The following ADGRL4 variants were observed in gnomAD, a reference collection of about 807,000 sequenced individuals.
The protein encoded by ADGRL4 is EGF, latrophilin and seven transmembrane domain containing 1.
In ADGRL4, 90 loss-of-function variants were observed where a neutral mutation model predicts 74.8. That is an observed-to-expected ratio of 1.20 (90% confidence interval 1.02 to 1.43). The LOEUF is 1.43. ADGRL4 is among the 40% of genes most tolerant of loss of function. The probability of loss-of-function intolerance (pLI) is 0.00; values close to 1 mark genes in which losing one functional copy is unlikely to be tolerated. For missense variants in ADGRL4, 881 were observed against 814.3 expected (o/e 1.08, Z -1.00); for synonymous variants, 311 against 279.2 (o/e 1.11, Z -1.14).
chr1:78,922,301 G>T (rs1359959423), intron 8 of ADGRL4, among the ~76,000 whole-genome samples: 1 of 151,974 alleles, frequency 6.6e-6, no homozygotes, highest in African/African-American at 2.4e-5. Flanking sequence ...TGACGTGAAG[G>T]GGGGTGTCCA....
At chr1:78,942,173 CAAAAAAAAA>C (rs398049382) in intron 3 of ADGRL4, among the ~76,000 whole-genome samples, 3 of 73,614 alleles carry the variant, frequency 4.1e-5, no homozygotes, top group Admixed American at 3.5e-4. Flanking sequence ...GACTCCGTCT[CAAAAAAAAA>C]AAAAAAAAAA....
intron 7 of ADGRL4, among the ~76,000 whole-genome samples, chr1:78,933,013 G>A (rs568488930): frequency 6.6e-6 from 1 of 151,338 alleles, no homozygotes; most frequent in Non-Finnish European, 1.5e-5. Context: ...AGAAGAGCTG[G>A]TGTTATTCCT....
intron 1 of ADGRL4, among the ~76,000 whole-genome samples, chr1:79,006,134 A>G (rs1165395289): frequency 6.6e-6 from 1 of 152,262 alleles, no homozygotes; most frequent in Non-Finnish European, 1.5e-5. Flanking sequence ...CAGTCATCTA[A>G]CATTAGTTGT....
chr1:79,006,724 G>A lies in ADGRL4; in HGVS notation c.-70C>T, dbSNP rs891867045. 3 of 1,388,150 alleles carry A rather than the reference G, an allele frequency of 2.2e-6. No individual in the cohort carries two copies. Among genetic ancestry groups the A allele is most frequent in the African/African-American group, 1.5e-5 (1 of 65,068 alleles). The allele number at this position is 1,388,150 out of a possible 1,614,324, so 86.0% of individuals were successfully genotyped here. A position where few individuals can be genotyped will look rare whatever the true frequency, so the allele number is the denominator to read the frequency against. ...TGAGTGCGGCTGTGGACCCGGGACC[G>A]GGCGCCGCTGGGCGGGCGCGGCAGG... On this transcript the variant is annotated 5_prime_UTR_variant, in exon 1 of 15. Transcript: ENST00000370742.
rs369575210 is a variant in ADGRL4, at chr1:78,917,867, C to A, written c.1645G>T (p.Ala549Ser). Reference protein sequence around the residue: ...LSPAVVVGFSAALGYRYYGTT... With the variant: ...LSPAVVVGFSSALGYRYYGTT... ...CCATAATATCTGTATCCTAGTGCTG[C>A]CGAAAATCCAACTACCACGGCTGGG... The change falls in exon 11 of 15, where the codon GCA becomes TCA. Residue 549 changes from alanine (A) to serine (S), a missense_variant. By Grantham distance (99) the Ala-to-Ser change is moderately conservative. Transcript: ENST00000370742. The A allele has an allele frequency of 6.8e-6, 11 of 1,612,382 alleles. No homozygotes were observed. Among genetic ancestry groups the A allele is most frequent in the Non-Finnish European group, 9.3e-6 (11 of 1,179,080 alleles).
At chr1:78,892,609 A>C (rs557660866) in intron 13 of ADGRL4, among the ~76,000 whole-genome samples, 16 of 152,224 alleles carry the variant, frequency 1.1e-4, no homozygotes, top group African/African-American at 3.6e-4. Context: ...AAGTATTGAA[A>C]CTACAGGAGT....
rs769592995 is a variant in ADGRL4, at chr1:79,006,623, G to C, written c.22+10C>G. ...GACGACCTCGGCGACCAGGGGCGCT[G>C]AGCACTCACCTAGGAGCGGGAGGCG... On this transcript the variant is annotated intron_variant, in intron 1 of 14. Transcript: ENST00000370742. 15 of 1,536,274 alleles carry C rather than the reference G, an allele frequency of 9.8e-6. No homozygotes were observed. In the East Asian group the frequency reaches 3.6e-4, roughly 37 times the overall value.
chr1:78,894,905 A>T (rs1256331726), intron 12 of ADGRL4, among the ~76,000 whole-genome samples: 1 of 151,980 alleles, frequency 6.6e-6, no homozygotes, highest in Non-Finnish European at 1.5e-5. Flanking sequence ...AATAAAACTG[A>T]GTTTGAAAAA....
chr1:78,952,953 T>C (rs1251145002), intron 2 of ADGRL4, among the ~76,000 whole-genome samples: 2 of 152,150 alleles, frequency 1.3e-5, no homozygotes, highest in African/African-American at 4.8e-5. Context: ...TCTGTTTCTG[T>C]TTACACTTAC....
At chr1:78,958,423 G>T (rs1649877094) in intron 2 of ADGRL4, among the ~76,000 whole-genome samples, 1 of 152,132 alleles carries the variant, frequency 6.6e-6, no homozygotes, top group Non-Finnish European at 1.5e-5. Context: ...ATGGGAGGAG[G>T]TGAAGATATC....
At chr1:78,977,003 C>T (rs1006952577) in intron 2 of ADGRL4, among the ~76,000 whole-genome samples, 1 of 151,730 alleles carries the variant, frequency 6.6e-6, no homozygotes, top group African/African-American at 2.4e-5. Context: ...CTCATGAACA[C>T]AGAGGGAAGA....
Position 78,946,443 on chromosome 1 carries a change from T to C in ADGRL4, c.173-17A>G, listed in dbSNP as rs1268551533. On this transcript the variant is annotated splice_polypyrimidine_tract_variant and intron_variant, in intron 2 of 14. Coordinates refer to ENST00000370742, the MANE Select transcript of ADGRL4 (RefSeq NM_022159.4). ...CATTATCATCTGTTGGCATATGAAT[T>C]TAAAAGATTATTTTTATATAATTGA... 1 of 1,576,822 alleles carries C rather than the reference T, an allele frequency of 6.3e-7. No individual in the cohort carries two copies. The highest frequency in any genetic ancestry group is 1.2e-5 in the South Asian group (1 of 85,218).
At chr1:78,968,348 A>T (rs1650097968) in intron 2 of ADGRL4, among the ~76,000 whole-genome samples, 1 of 152,084 alleles carries the variant, frequency 6.6e-6, no homozygotes, top group Non-Finnish European at 1.5e-5. Flanking sequence ...ATCAGGCTGG[A>T]GGCAGCCTAA....
intron 7 of ADGRL4, among the ~76,000 whole-genome samples, chr1:78,933,400 C>T (rs1570238484): frequency 6.6e-6 from 1 of 151,444 alleles, no homozygotes; most frequent in African/African-American, 2.4e-5. Context: ...TAAAAATTAT[C>T]AACAAACTTG....
chr1:78,970,782 T>C (rs1363917843), intron 2 of ADGRL4, among the ~76,000 whole-genome samples: 1 of 152,194 alleles, frequency 6.6e-6, no homozygotes, highest in African/African-American at 2.4e-5. Context: ...AGATAGGCAA[T>C]TGTGTCTCAG....
intron 12 of ADGRL4, among the ~76,000 whole-genome samples, chr1:78,896,642 A>T (rs1412000950): frequency 6.6e-6 from 1 of 151,860 alleles, no homozygotes; most frequent in Non-Finnish European, 1.5e-5. Flanking sequence ...TACTTCAGAA[A>T]CCTCCTAATT....
intron 7 of ADGRL4, among the ~76,000 whole-genome samples, chr1:78,928,846 C>A (rs1204221506): frequency 6.6e-6 from 1 of 151,540 alleles, no homozygotes; most frequent in Non-Finnish European, 1.5e-5. Flanking sequence ...CAAGCACAAG[C>A]CTTCCAAACT....
intron 6 of ADGRL4, among the ~76,000 whole-genome samples, chr1:78,937,437 T>G (rs989296619): frequency 2.0e-5 from 3 of 152,184 alleles, no homozygotes; most frequent in African/African-American, 7.2e-5. Flanking sequence ...AGAGCCAGAC[T>G]TTGTCTTTAA....
chr1:78,971,878 C>T lies in ADGRL4; in HGVS notation c.173-25452G>A, dbSNP rs542404989. On this transcript the variant is annotated intron_variant, in intron 2 of 14. Coordinates refer to ENST00000370742, the MANE Select transcript of ADGRL4 (RefSeq NM_022159.4). ...TCAAGTGGTTCTCCTGCCTCAGCCTCCCGAGTAGCTGGGATTACAGGCATG... is the reference window on the plus strand; with the variant it reads ...TCAAGTGGTTCTCCTGCCTCAGCCTTCCGAGTAGCTGGGATTACAGGCATG... 3.3e-5 allele frequency among the ~76,000 whole-genome samples: 5 copies of T among 152,254 alleles called. No individual in the cohort carries two copies. In the East Asian group the frequency reaches 9.7e-4, roughly 29 times the overall value.
Sources: gnomAD v4.1 joint callset for allele counts (sites outside exome capture counted in the v4.1 genomes callset) on GRCh38, gnomAD v4.1.1 for gene constraint, MANE v1.5 for transcripts, NCBI Gene and HGNC (gene_info 2026-07-23, HGNC 2026-07-21) for gene names.